Variants in TIAM2 observed in about 807,000 individuals in gnomAD.
TIAM2 encodes TIAM Rac1 associated GEF 2, also known as rho guanine nucleotide exchange factor TIAM2.
Under a neutral mutation model 152.9 loss-of-function variants are expected in TIAM2, and 80 were observed. The observed-to-expected ratio is 0.52, with a 90% CI of 0.44 to 0.63. The LOEUF is 0.63. Among genes scored for constraint, TIAM2 ranks in the 30% least tolerant of loss-of-function variants. The pLI is 0.00. For missense variants in TIAM2, 1,965 were observed against 2,120.1 expected, an observed-to-expected ratio of 0.93 and a Z score of 1.44; for synonymous variants, 804 against 838.0, an observed-to-expected ratio of 0.96 and a Z score of 0.70.
At chr6:155,018,447 C>T (rs1055696345) in intron 1 of TIAM2, among the ~76,000 whole-genome samples, 5 of 151,448 alleles carry the variant, frequency 3.3e-5, no homozygotes, top group African/African-American at 1.2e-4. Context: ...CAGTGAAACC[C>T]CGTGTCACTA....
chr6:155,000,102 G>A (rs1454744322), intron 1 of TIAM2, among the ~76,000 whole-genome samples: 2 of 152,142 alleles, frequency 1.3e-5, no homozygotes, highest in African/African-American at 2.4e-5. Context: ...GTGACTACTT[G>A]GCCTGTGCAT....
intron 1 of TIAM2, among the ~76,000 whole-genome samples, chr6:155,055,334 A>G (rs1214032965): frequency 6.6e-6 from 1 of 152,196 alleles, no homozygotes; most frequent in Admixed American, 6.5e-5. Context: ...AAAGTTCTCC[A>G]AAGAAAACTA....
chr6:155,139,919 G>A (rs1226482479), intron 5 of TIAM2, among the ~76,000 whole-genome samples: 2 of 152,090 alleles, frequency 1.3e-5, no homozygotes, highest in African/African-American at 2.4e-5. Context: ...CAGCCTGGGC[G>A]ATGAGTGAAA....
At chr6:155,077,595 C>T (rs76785970) in intron 1 of TIAM2, among the ~76,000 whole-genome samples, 1,588 of 152,216 alleles carry the variant, frequency 0.01, 19 homozygotes, top group African/African-American at 0.034. Context: ...GTGCTGCTTA[C>T]GATGGAAGAA....
intron 22 of TIAM2, among the ~76,000 whole-genome samples, chr6:155,251,577 G>T (rs146227279): frequency 6.6e-6 from 1 of 152,168 alleles, no homozygotes; most frequent in Non-Finnish European, 1.5e-5. Context: ...ATTAGCCACC[G>T]TGCCTGGCCA....
chr6:155,043,887 T>G (rs1271943221), intron 1 of TIAM2, among the ~76,000 whole-genome samples: 1 of 151,994 alleles, frequency 6.6e-6, no homozygotes, highest in East Asian at 1.9e-4. Flanking sequence ...TTCCTGACAA[T>G]CAAGTCTAGA....
intron 9 of TIAM2, among the ~76,000 whole-genome samples, chr6:155,172,281 G>C (rs1350459233): frequency 1.3e-5 from 2 of 152,114 alleles, no homozygotes; most frequent in Admixed American, 1.3e-4. Flanking sequence ...GCAGTGGCCA[G>C]AACAGTGGCC....
In TIAM2 at chr6:155,183,343, T is replaced by G; in HGVS notation, c.2907T>G (p.Thr969=). The G allele has an allele frequency of 6.2e-7, 1 of 1,613,192 alleles. No homozygotes were observed. The highest frequency in any genetic ancestry group is 8.5e-7 in the Non-Finnish European group (1 of 1,179,674). ...TTTCTGAGAAGAGCGTCGGACTCAC[T>G]CTGATTGCCCGGCCTCCGGACACAA... The part of the protein sequence containing the change: ...ALFSEKSVGL[T]LIARPPDTKA... The change falls in exon 14 of 27, where the codon ACT becomes ACG. Residue 969 remains threonine (T), a synonymous_variant. Coordinates refer to ENST00000682666, the MANE Select transcript of TIAM2 (RefSeq NM_012454.4).
intron 9 of TIAM2, among the ~76,000 whole-genome samples, chr6:155,172,684 ATATTTT>A (rs1270907223): frequency 1.5e-4 from 2 of 13,724 alleles, no homozygotes; most frequent in Non-Finnish European, 2.4e-4. Context: ...ATATATATAT[ATATTTT>A]TTTTTTTTTT....
chr6:155,153,759 T>C (rs534507082), intron 7 of TIAM2, among the ~76,000 whole-genome samples: 9 of 151,634 alleles, frequency 5.9e-5, no homozygotes, highest in African/African-American at 1.9e-4. Flanking sequence ...GTAGCTGGGA[T>C]TACAGGCACC....
intron 15 of TIAM2, among the ~76,000 whole-genome samples, chr6:155,230,925 C>A (rs1782446186): frequency 1.3e-5 from 2 of 151,764 alleles, no homozygotes; most frequent in Non-Finnish European, 2.9e-5. Context: ...CCTCTGCCTC[C>A]CGGGTTCAAG....
chr6:155,241,187 A>C (rs553183932), intron 16 of TIAM2, among the ~76,000 whole-genome samples: 45 of 152,290 alleles, frequency 3.0e-4, no homozygotes, highest in Non-Finnish European at 5.6e-4. Flanking sequence ...GCACGTGGGA[A>C]TATCCTTGCA....
chr6:155,201,508 TTGAC>T (rs1399361073), intron 14 of TIAM2, among the ~76,000 whole-genome samples: 1 of 152,224 alleles, frequency 6.6e-6, no homozygotes, highest in Non-Finnish European at 1.5e-5. Context: ...TCTCTCGTCA[TTGAC>T]TGTGTATTTT....
chr6:155,004,720 C>CT (rs1778371575), intron 1 of TIAM2: 1 of 152,196 alleles, frequency 6.6e-6, no homozygotes, highest in South Asian at 2.1e-4. Flanking sequence ...TTTTCCAAGT[C>CT]TGTTACTCTG....
In TIAM2 at chr6:155,129,758, A is replaced by G; in HGVS notation, c.535A>G (p.Asn179Asp). Residue 179 changes from asparagine to aspartate, a missense_variant, in exon 4 of 27, where the codon AAT becomes GAT. By Grantham distance (23) the Asn-to-Asp change is conservative. Coordinates refer to ENST00000682666, the MANE Select transcript of TIAM2 (RefSeq NM_012454.4). The surrounding 1 kb of genome is among the most constrained non-coding windows in gnomAD (Gnocchi z 4.8). ...LDGCLRVEFHNGGNPSKVPAE... is the reference protein window; with the variant it reads ...LDGCLRVEFHDGGNPSKVPAE... ...TGGGTGTTTAAGGGTCGAGTTCCACAATGGTGGCAACCCCAGCAAAGTGCC... is the reference window on the plus strand; with the variant it reads ...TGGGTGTTTAAGGGTCGAGTTCCACGATGGTGGCAACCCCAGCAAAGTGCC... 6.2e-7 allele frequency: 1 copy of G among 1,613,900 alleles called. No individual in the cohort carries two copies.
At chr6:155,076,233 C>G (rs996021067) in intron 1 of TIAM2, among the ~76,000 whole-genome samples, 1 of 152,018 alleles carries the variant, frequency 6.6e-6, no homozygotes, top group African/African-American at 2.4e-5. Flanking sequence ...GTGGGTGGAG[C>G]ATTTGTTCAG....
At chr6:155,117,786 A>G (rs1290437477) in intron 2 of TIAM2, among the ~76,000 whole-genome samples, 1 of 152,080 alleles carries the variant, frequency 6.6e-6, no homozygotes, top group Non-Finnish European at 1.5e-5. Flanking sequence ...TTCATGGTTT[A>G]TAATCTCTCT....
chr6:155,194,228 G>A lies in TIAM2; in HGVS notation c.3064+10728G>A, dbSNP rs60362880. ...TGTCTAGCTGTGGGGAGGTGTGTGA[G>A]TAACTCAGATGGTTGGAGACTCAGG... On this transcript the variant is annotated intron_variant, in intron 14 of 26. Transcript: ENST00000682666. Among the ~76,000 whole-genome samples the A allele has an allele frequency of 6.8e-3, 1,043 of 152,284 alleles. 8 individuals carry two copies. Among genetic ancestry groups the A allele is most frequent in the African/African-American group, 0.024 (993 of 41,560 alleles).
chr6:155,240,771 GCAGAGGTCCC>G lies in TIAM2; in HGVS notation c.3348+67_3348+76del, dbSNP rs1211896540. On this transcript the variant is annotated intron_variant, in intron 16 of 26. Transcript: ENST00000682666. ...TTTGATGATGGCAAGTGGTATGCTG[GCAGAGGTCCC>G]CAGATCACCTCTGCCCAGGACACCT... is the stretch of plus-strand genomic sequence containing the variant. The G allele has an allele frequency of 2.6e-6, 4 of 1,536,156 alleles. No homozygotes were observed. The African/African-American group carries it at 5.4e-5, about 21-fold the overall frequency.
Sources: gnomAD v4.1 joint callset for allele counts (sites outside exome capture counted in the v4.1 genomes callset) on GRCh38, gnomAD v4.1.1 for gene constraint, Gnocchi (gnomAD v3.1) non-coding constraint, MANE v1.5 for transcripts, NCBI Gene and HGNC (gene_info 2026-07-23, HGNC 2026-07-21) for gene names.